Variants in EPSTI1 observed in about 807,000 individuals in gnomAD.
EPSTI1 encodes epithelial-stromal interaction protein 1.
Under a neutral mutation model 49.9 loss-of-function variants are expected in EPSTI1, and 66 were observed. That is an observed-to-expected ratio of 1.32 (90% CI 1.08 to 1.62). The LOEUF (loss-of-function observed/expected upper bound fraction) is 1.62, where lower values mean the gene tolerates loss of function less well. EPSTI1 is among the 40% of genes most tolerant of loss of function. The pLI, the probability that EPSTI1 is intolerant of heterozygous loss-of-function variation, is 0.00. For missense variants in EPSTI1, 394 were observed against 365.5 expected, an observed-to-expected ratio of 1.08 and a Z score of -0.64; for synonymous variants, 137 against 130.7, an observed-to-expected ratio of 1.05 and a Z score of -0.33.
At chr13:42,972,241 T>C (rs2153433717) in intron 1 of EPSTI1, among the ~76,000 whole-genome samples, 1 of 152,310 alleles carries the variant, frequency 6.6e-6, no homozygotes, top group South Asian at 2.1e-4. Flanking sequence ...TCCAGATCAG[T>C]AGTTCTCAGC....
intron 1 of EPSTI1, among the ~76,000 whole-genome samples, chr13:42,985,203 G>A (rs2040055579): frequency 6.6e-6 from 1 of 152,200 alleles, no homozygotes; most frequent in Admixed American, 6.5e-5. Flanking sequence ...ATTGCAATGG[G>A]AATACAGTGG....
At chr13:42,902,641 A>G (rs1290080422) in intron 8 of EPSTI1, among the ~76,000 whole-genome samples, 2 of 152,234 alleles carry the variant, frequency 1.3e-5, no homozygotes, top group Non-Finnish European at 2.9e-5. Flanking sequence ...AATATTTTCA[A>G]ATACAAGTTT....
At chr13:42,904,830 T>G (rs1405783430) in intron 8 of EPSTI1, among the ~76,000 whole-genome samples, 1 of 152,242 alleles carries the variant, frequency 6.6e-6, no homozygotes, top group Admixed American at 6.5e-5. Flanking sequence ...TACATTCATT[T>G]TGACTTTTAT....
chr13:42,906,380 G>T (rs1246490432), intron 8 of EPSTI1, among the ~76,000 whole-genome samples: 3 of 152,132 alleles, frequency 2.0e-5, no homozygotes, highest in Non-Finnish European at 2.9e-5. Flanking sequence ...ATGAACATGG[G>T]GTCATTTTAA....
chr13:42,923,165 C>A (rs1163301678), intron 7 of EPSTI1, among the ~76,000 whole-genome samples: 2 of 152,172 alleles, frequency 1.3e-5, no homozygotes, highest in Admixed American at 1.3e-4. Context: ...TAAGCTAAGA[C>A]ATTTTGATTT....
intron 6 of EPSTI1, among the ~76,000 whole-genome samples, chr13:42,944,280 C>CA (rs2038853050): frequency 6.6e-6 from 1 of 152,160 alleles, no homozygotes; most frequent in Non-Finnish European, 1.5e-5. Context: ...AAATGCCCAT[C>CA]AATGTTGGGC....
rs187523470 is a variant in EPSTI1 at position 42,901,542 on chromosome 13, T to C, written c.742-1159A>G. Among the ~76,000 whole-genome samples the C allele has an allele frequency of 1.1e-4, 16 of 152,308 alleles. No individual in the cohort carries two copies. The East Asian group carries it at 3.1e-3, about 29-fold the overall frequency. On this transcript the variant is annotated intron_variant, in intron 8 of 10. Transcript: ENST00000313624. ...ATTTGTCCACTCAATAAGCATTTGTTATACACCTTGCTGCCAAGCTTTATG... is the reference window on the plus strand; with the variant it reads ...ATTTGTCCACTCAATAAGCATTTGTCATACACCTTGCTGCCAAGCTTTATG...
chr13:42,925,251 T>C (rs1262336587), intron 7 of EPSTI1, among the ~76,000 whole-genome samples: 6 of 152,206 alleles, frequency 3.9e-5, no homozygotes, highest in African/African-American at 1.4e-4. Flanking sequence ...ATGTTGCCAA[T>C]GTGATCCAGA....
At chr13:42,923,428 G>A (rs990235542) in intron 7 of EPSTI1, among the ~76,000 whole-genome samples, 2 of 152,182 alleles carry the variant, frequency 1.3e-5, no homozygotes, top group African/African-American at 2.4e-5. Flanking sequence ...GGGCGTGGGG[G>A]TGCGTGCCTG....
intron 1 of EPSTI1, among the ~76,000 whole-genome samples, chr13:42,984,742 T>C (rs1378793552): frequency 6.6e-6 from 1 of 152,240 alleles, no homozygotes; most frequent in African/African-American, 2.4e-5. Context: ...TTTATCTCCC[T>C]TGAGAGTTTG....
In EPSTI1 at chr13:42,922,204, G is replaced by A. The variant is rs1313161359; in HGVS notation, c.657+4132C>T. Among the ~76,000 whole-genome samples the A allele has an allele frequency of 6.6e-6, 1 of 152,196 alleles. No homozygotes were observed. On this transcript the variant is annotated intron_variant, in intron 7 of 10. Transcript: ENST00000313624. This position sits in a 1 kb window ranked among gnomAD's most constrained non-coding sequence, Gnocchi z 4.8. ...ACCAACACATATTAACAGATATTCG[G>A]AGCTAACTAAGAAAAGAAACAGGTG...
intron 6 of EPSTI1, among the ~76,000 whole-genome samples, chr13:42,949,638 G>C (rs1234275991): frequency 6.7e-6 from 1 of 149,988 alleles, no homozygotes; most frequent in African/African-American, 2.4e-5. Context: ...TTCTTTTTTG[G>C]TCATCAAGTG....
chr13:42,963,991 T>A, intron 4 of EPSTI1, 75 bp downstream of exon 4: 1 of 1,277,282 alleles, frequency 7.8e-7, no homozygotes, highest in Non-Finnish European at 1.1e-6. Context: ...AGTTACTGTG[T>A]TATTTCACAG....
intron 3 of EPSTI1, among the ~76,000 whole-genome samples, chr13:42,967,399 A>G (rs1445909980): frequency 6.6e-6 from 1 of 152,220 alleles, no homozygotes; most frequent in Non-Finnish European, 1.5e-5. Context: ...GCCTAAAGGT[A>G]TAAGGCTGTT....
intron 6 of EPSTI1, among the ~76,000 whole-genome samples, chr13:42,947,196 A>G (rs2038941748): frequency 1.3e-5 from 2 of 152,214 alleles, no homozygotes; most frequent in South Asian, 4.1e-4. Context: ...ACAACATTTC[A>G]TATGAATTTC....
At chr13:42,938,195 G>T (rs552940980) in intron 6 of EPSTI1, among the ~76,000 whole-genome samples, 1 of 152,186 alleles carries the variant, frequency 6.6e-6, no homozygotes, top group East Asian at 2.0e-4. Context: ...AATATCAAAA[G>T]TTTAAGTTGA....
At chr13:42,909,305 T>A (rs930145850) in intron 8 of EPSTI1, among the ~76,000 whole-genome samples, 2 of 151,986 alleles carry the variant, frequency 1.3e-5, no homozygotes, top group Non-Finnish European at 2.9e-5. Context: ...GGCAAGAATA[T>A]GGAGAAAAGG....
At chr13:42,909,568 G>T (rs1387156239) in intron 8 of EPSTI1, among the ~76,000 whole-genome samples, 1 of 151,638 alleles carries the variant, frequency 6.6e-6, no homozygotes, top group African/African-American at 2.4e-5. Flanking sequence ...GAAAATGTGG[G>T]ATATACACAC....
chr13:42,973,946 G>C (rs996563269), intron 1 of EPSTI1, among the ~76,000 whole-genome samples: 3 of 152,156 alleles, frequency 2.0e-5, no homozygotes, highest in Non-Finnish European at 4.4e-5. Context: ...TTCCAACAGC[G>C]CACATCCGTG....
Sources: allele counts gnomAD v4.1 joint callset (sites outside exome capture counted in the v4.1 genomes callset), GRCh38; gene constraint gnomAD v4.1.1; non-coding constraint Gnocchi (gnomAD v3.1); transcripts MANE v1.5; gene names NCBI Gene and HGNC (gene_info 2026-07-23, HGNC 2026-07-21).